The following FHOD3 variants were observed in gnomAD, a reference collection of about 807,000 sequenced individuals.
FHOD3 encodes FH1/FH2 domain-containing protein 3.
Under a neutral mutation model 173.0 loss-of-function variants are expected in FHOD3, and 90 were observed. That is an observed-to-expected ratio of 0.52 (90% CI 0.44 to 0.62). The LOEUF is 0.62. Ranked by LOEUF, FHOD3 falls within the 20% of genes least tolerant of loss-of-function variation. The probability of loss-of-function intolerance (pLI) is 0.00; values close to 1 mark genes in which losing one functional copy is unlikely to be tolerated. For missense variants in FHOD3, 1,945 were observed against 2,034.7 expected (o/e 0.96, Z 0.85); for synonymous variants, 828 against 823.0 (o/e 1.01, Z -0.10).
chr18:36,745,751 C>A (rs940554708), intron 23 of FHOD3, among the ~76,000 whole-genome samples: 2 of 149,518 alleles, frequency 1.3e-5, no homozygotes, highest in Admixed American at 1.3e-4. Context: ...CCGCTCACCC[C>A]CCGCCACACC....
intron 5 of FHOD3, among the ~76,000 whole-genome samples, chr18:36,561,253 T>A (rs2147647264): frequency 6.6e-6 from 1 of 152,360 alleles, no homozygotes; most frequent in African/African-American, 2.4e-5. Context: ...AATTCTGTTC[T>A]AATGAACACG....
chr18:36,300,146 A>G (rs1338382187), intron 1 of FHOD3, among the ~76,000 whole-genome samples: 1 of 152,104 alleles, frequency 6.6e-6, no homozygotes, highest in East Asian at 1.9e-4. Context: ...GATTGTCCCT[A>G]TTTTAGAGAT....
rs558867357 is a variant in FHOD3, at chr18:36,737,285, A to G, written c.3577-3371A>G. Among the ~76,000 whole-genome samples, 4 of 152,372 alleles carry G rather than the reference A, an allele frequency of 2.6e-5. No individual in the cohort carries two copies. The South Asian group carries it at 8.3e-4, about 32-fold the overall frequency. On this transcript the variant is annotated intron_variant, in intron 20 of 28. Transcript: ENST00000590592. Reference sequence around the variant, plus strand: ...GGAAGATGTCTTCTGAAGGTTGTACAAAGTGTTGACAGTTTTTCATTTTGG... The same window carrying G: ...GGAAGATGTCTTCTGAAGGTTGTACGAAGTGTTGACAGTTTTTCATTTTGG...
At chr18:36,310,673 G>A (rs556966185) in intron 1 of FHOD3, among the ~76,000 whole-genome samples, 4 of 146,986 alleles carry the variant, frequency 2.7e-5, no homozygotes, top group African/African-American at 1.0e-4. Flanking sequence ...AGCAACAGGA[G>A]TGAGACTCCA....
intron 5 of FHOD3, among the ~76,000 whole-genome samples, chr18:36,569,650 C>T (rs1315962079): frequency 6.6e-6 from 1 of 152,062 alleles, no homozygotes; most frequent in Non-Finnish European, 1.5e-5. Flanking sequence ...TTCAAATATG[C>T]ATAAAACATT....
intron 6 of FHOD3, among the ~76,000 whole-genome samples, chr18:36,579,523 G>A (rs1248195783): frequency 2.6e-5 from 4 of 152,164 alleles, no homozygotes; most frequent in African/African-American, 9.7e-5. Context: ...AATTTTTGTG[G>A]TGTAAACGTG....
chr18:36,597,519 C>T (rs757635105), intron 7 of FHOD3, among the ~76,000 whole-genome samples: 1 of 152,106 alleles, frequency 6.6e-6, no homozygotes, highest in East Asian at 1.9e-4. Context: ...CTCTGCCTCT[C>T]GGGTTCACGC....
intron 3 of FHOD3, among the ~76,000 whole-genome samples, chr18:36,459,619 A>G (rs1244743845): frequency 1.3e-5 from 2 of 152,192 alleles, no homozygotes; most frequent in African/African-American, 2.4e-5. Context: ...GCTGTGGTCA[A>G]ATGGTCGTGG....
At chr18:36,471,011 A>G (rs2053253430) in intron 3 of FHOD3, among the ~76,000 whole-genome samples, 1 of 152,182 alleles carries the variant, frequency 6.6e-6, no homozygotes, top group African/African-American at 2.4e-5. Flanking sequence ...CAGGGCTTTC[A>G]TTCCTGGCTT....
At chr18:36,430,377 C>A (rs1281644807) in intron 3 of FHOD3, among the ~76,000 whole-genome samples, 1 of 152,134 alleles carries the variant, frequency 6.6e-6, no homozygotes, top group Non-Finnish European at 1.5e-5. Context: ...CCACCACGCC[C>A]AGCTAATTTT....
intron 28 of FHOD3, among the ~76,000 whole-genome samples, chr18:36,774,269 T>C (rs1449812288): frequency 6.6e-6 from 1 of 152,206 alleles, no homozygotes; most frequent in Non-Finnish European, 1.5e-5. Context: ...TAGGAGGGCA[T>C]GGGCTGGGCT....
intron 5 of FHOD3, among the ~76,000 whole-genome samples, chr18:36,542,125 TG>T (rs1270605535): frequency 3.3e-5 from 5 of 152,216 alleles, no homozygotes; most frequent in Non-Finnish European, 5.9e-5. Context: ...CTATGTATAA[TG>T]TAGATGACTT....
chr18:36,601,581 A>G (rs1023817521), intron 7 of FHOD3, among the ~76,000 whole-genome samples: 1 of 152,322 alleles, frequency 6.6e-6, no homozygotes, highest in East Asian at 1.9e-4. Flanking sequence ...GGTCCTTGGG[A>G]AACTTTTGTT....
chr18:36,433,612 C>A (rs917870851), intron 3 of FHOD3, among the ~76,000 whole-genome samples: 4 of 152,152 alleles, frequency 2.6e-5, no homozygotes, highest in Non-Finnish European at 4.4e-5. Flanking sequence ...CGTATCACAG[C>A]AAGATATGAA....
chr18:36,639,045 C>G (rs1439835418), intron 10 of FHOD3, among the ~76,000 whole-genome samples: 1 of 152,170 alleles, frequency 6.6e-6, no homozygotes, highest in African/African-American at 2.4e-5. Flanking sequence ...GAAATAAGAC[C>G]TGGATCCACC....
At chr18:36,492,651 G>A (rs1463072279) in intron 3 of FHOD3, among the ~76,000 whole-genome samples, 1 of 152,124 alleles carries the variant, frequency 6.6e-6, no homozygotes, top group Non-Finnish European at 1.5e-5. Flanking sequence ...CAAGGGAATT[G>A]GGATTTCAAT....
intron 5 of FHOD3, among the ~76,000 whole-genome samples, chr18:36,519,726 G>A (rs1188088296): frequency 6.6e-6 from 1 of 152,198 alleles, no homozygotes; most frequent in Non-Finnish European, 1.5e-5. Flanking sequence ...AGAGAGGGAA[G>A]CTGGGCTACT....
intron 28 of FHOD3, among the ~76,000 whole-genome samples, chr18:36,775,973 A>G (rs2043617619): frequency 6.6e-6 from 1 of 152,112 alleles, no homozygotes; most frequent in Admixed American, 6.5e-5. Context: ...AGCAGCTTTG[A>G]TTCAGCTGGA....
intron 28 of FHOD3, 32 bp from the exon 29 acceptor site, chr18:36,779,416 C>T: frequency 6.2e-7 from 1 of 1,606,862 alleles, no homozygotes; most frequent in Non-Finnish European, 8.5e-7. Flanking sequence ...TTCTTCTCAT[C>T]CCTTTGGGTG....
Sources: allele counts gnomAD v4.1 joint callset (sites outside exome capture counted in the v4.1 genomes callset), GRCh38; gene constraint gnomAD v4.1.1; transcripts MANE v1.5; gene names NCBI Gene and HGNC (gene_info 2026-07-23, HGNC 2026-07-21).